GALNTL6: variants seen among roughly 807,000 people sequenced by gnomAD.
GALNTL6 encodes polypeptide N-acetylgalactosaminyltransferase like 6.
Under a neutral mutation model 73.7 loss-of-function variants are expected in GALNTL6, and 46 were observed. The observed-to-expected ratio is 0.62, with a 90% confidence interval of 0.49 to 0.80. GALNTL6 has a LOEUF of 0.80. GALNTL6 is among the 30% of genes least tolerant of loss of function. The pLI, the probability that GALNTL6 is intolerant of heterozygous loss-of-function variation, is 0.00. For missense variants in GALNTL6, 604 were observed against 755.0 expected, an observed-to-expected ratio of 0.80 and a Z score of 2.34; for synonymous variants, 259 against 263.7, an observed-to-expected ratio of 0.98 and a Z score of 0.17.
chr4:171,935,046 T>C lies in GALNTL6; in HGVS notation c.138+120328T>C, dbSNP rs554818253. 3.2e-4 allele frequency among the ~76,000 whole-genome samples: 48 copies of C among 152,250 alleles called. No homozygotes were observed. In the South Asian group the frequency reaches 8.5e-3, roughly 27 times the overall value. On this transcript the variant is annotated intron_variant, in intron 2 of 12. Coordinates refer to ENST00000506823, the MANE Select transcript of GALNTL6 (RefSeq NM_001034845.3). ...GAGAAAATGCTGCCATGTTCTTTCA[T>C]GCATGGGAGAGAAACTGTATCACTT... is the stretch of plus-strand genomic sequence containing the variant.
At chr4:172,481,263 C>G (rs546719990) in intron 5 of GALNTL6, among the ~76,000 whole-genome samples, 2 of 150,818 alleles carry the variant, frequency 1.3e-5, no homozygotes, top group Admixed American at 1.3e-4. Flanking sequence ...TCATTCCTCC[C>G]GGTGGGTTTG....
At chr4:172,631,264 A>C (rs3098317) in intron 5 of GALNTL6, among the ~76,000 whole-genome samples, 151,854 of 152,026 alleles carry the variant, frequency 1, 75,842 homozygotes, top group Middle Eastern at 1. Flanking sequence ...TCTTCTTCAG[A>C]CTCCCGAGTA....
At chr4:172,358,376 G>GT (rs1302523084) in intron 5 of GALNTL6, among the ~76,000 whole-genome samples, 7 of 152,256 alleles carry the variant, frequency 4.6e-5, no homozygotes, top group African/African-American at 1.4e-4. Flanking sequence ...ACTGCTTTGC[G>GT]TAAGTTCATG....
At chr4:172,652,141 A>C (rs960897302) in intron 5 of GALNTL6, among the ~76,000 whole-genome samples, 1 of 152,196 alleles carries the variant, frequency 6.6e-6, no homozygotes, top group Non-Finnish European at 1.5e-5. Flanking sequence ...TTAAGGAGCT[A>C]AGAATGGGGA....
chr4:172,626,396 T>C (rs950164691), intron 5 of GALNTL6, among the ~76,000 whole-genome samples: 2 of 152,112 alleles, frequency 1.3e-5, no homozygotes, highest in Admixed American at 1.3e-4. Flanking sequence ...TTAACCATGC[T>C]GTTTTGGTTA....
At chr4:171,908,786 C>T (rs985404357) in intron 2 of GALNTL6, among the ~76,000 whole-genome samples, 4 of 150,954 alleles carry the variant, frequency 2.6e-5, no homozygotes, top group African/African-American at 7.4e-5. Context: ...AAATGTGGCA[C>T]ATATACACCA....
At chr4:171,875,054 A>T (rs1736237040) in intron 2 of GALNTL6, among the ~76,000 whole-genome samples, 1 of 152,240 alleles carries the variant, frequency 6.6e-6, no homozygotes, top group African/African-American at 2.4e-5. Flanking sequence ...ATAGAACAGT[A>T]GATGGGTTCA....
chr4:172,852,953 T>C (rs1042920731), intron 7 of GALNTL6, among the ~76,000 whole-genome samples: 15 of 152,180 alleles, frequency 9.9e-5, no homozygotes, highest in African/African-American at 3.4e-4. Context: ...TTAACACTTA[T>C]TGAACAATTA....
chr4:171,881,087 C>G (rs560401445), intron 2 of GALNTL6, among the ~76,000 whole-genome samples: 1 of 152,034 alleles, frequency 6.6e-6, no homozygotes, highest in African/African-American at 2.4e-5. Context: ...CAATCTCTAT[C>G]CCTTTTCAGT....
At chr4:171,913,587 T>A (rs1737532026) in intron 2 of GALNTL6, among the ~76,000 whole-genome samples, 1 of 152,220 alleles carries the variant, frequency 6.6e-6, no homozygotes, top group Admixed American at 6.5e-5. Flanking sequence ...TAAATCTATA[T>A]TTGTTTTTAA....
chr4:171,833,342 C>T (rs1735026969), intron 2 of GALNTL6, among the ~76,000 whole-genome samples: 1 of 151,514 alleles, frequency 6.6e-6, no homozygotes, highest in African/African-American at 2.4e-5. Context: ...TTTTAAATAT[C>T]TTATTCCAAT....
At chr4:172,727,657 A>G (rs1290955593) in intron 5 of GALNTL6, among the ~76,000 whole-genome samples, 2 of 152,126 alleles carry the variant, frequency 1.3e-5, no homozygotes, top group East Asian at 1.9e-4. Flanking sequence ...AAGTAACTCA[A>G]TTTGTTGTGT....
chr4:171,870,844 C>A (rs547505847), intron 2 of GALNTL6, among the ~76,000 whole-genome samples: 15 of 152,236 alleles, frequency 9.9e-5, no homozygotes, highest in Admixed American at 4.6e-4. Flanking sequence ...AGGCTTGGAA[C>A]ACATCTTCTT....
Position 171,990,674 on chromosome 4 carries a change from T to G in GALNTL6, c.138+175956T>G, listed in dbSNP as rs148930648. Among the ~76,000 whole-genome samples, 1,385 of 152,286 alleles carry G rather than the reference T, an allele frequency of 9.1e-3. 14 individuals carry two copies. The highest frequency in any genetic ancestry group is 0.03 in the African/African-American group (1,253 of 41,568). ...ATTCTAGGTTAATGGGTGGATGGAA[T>G]GCAATGATTATACAAACTAAAAAGT... On this transcript the variant is annotated intron_variant, in intron 2 of 12. Coordinates refer to ENST00000506823, the MANE Select transcript of GALNTL6 (RefSeq NM_001034845.3).
At chr4:172,323,106 C>T (rs1041117692) in intron 4 of GALNTL6, among the ~76,000 whole-genome samples, 1 of 152,052 alleles carries the variant, frequency 6.6e-6, no homozygotes, top group Non-Finnish European at 1.5e-5. Flanking sequence ...TTAGTAAAGA[C>T]ATAAAATATC....
At chr4:172,968,768 C>T (rs1561062013) in intron 10 of GALNTL6, among the ~76,000 whole-genome samples, 1 of 151,944 alleles carries the variant, frequency 6.6e-6, no homozygotes, top group African/African-American at 2.4e-5. Context: ...GAGAAGTGCC[C>T]CTATAAAAAG....
At chr4:172,858,584 T>C (rs1459154) in intron 7 of GALNTL6, among the ~76,000 whole-genome samples, 91,460 of 151,564 alleles carry the variant, frequency 0.6, 31,082 homozygotes, top group East Asian at 0.91. Flanking sequence ...AATCTCAGCA[T>C]TTTGGGAGGC....
intron 11 of GALNTL6, among the ~76,000 whole-genome samples, chr4:173,010,813 G>T (rs1185457701): frequency 2.0e-5 from 3 of 148,684 alleles, no homozygotes; most frequent in East Asian, 2.0e-4. Context: ...CACCATGTTG[G>T]CCAGAATGGT....
chr4:172,314,589 T>C (rs1740476089), intron 4 of GALNTL6, among the ~76,000 whole-genome samples: 1 of 146,480 alleles, frequency 6.8e-6, no homozygotes, highest in African/African-American at 2.5e-5. Context: ...TCAGAAATCC[T>C]AATGCGTAGG....
Sources: allele counts gnomAD v4.1 joint callset (sites outside exome capture counted in the v4.1 genomes callset), GRCh38; gene constraint gnomAD v4.1.1; transcripts MANE v1.5; gene names NCBI Gene and HGNC (gene_info 2026-07-23, HGNC 2026-07-21).